Variants in PIK3C2G observed in about 807,000 individuals in gnomAD.
The protein encoded by PIK3C2G is phosphatidylinositol 3-kinase C2 domain-containing subunit gamma.
In PIK3C2G, 168 loss-of-function variants were observed where a neutral mutation model predicts 181.1. The ratio of observed to expected loss-of-function variants is 0.93; its 90% CI spans 0.82 to 1.05. PIK3C2G has a LOEUF of 1.05. Ranked by LOEUF, PIK3C2G falls within the 50% of genes least tolerant of loss-of-function variation. PIK3C2G has a pLI of 0.00. For synonymous variants in PIK3C2G, 573 were observed against 592.2 expected (o/e 0.97, Z 0.47); for missense variants, 1,869 against 1,732.8 (o/e 1.08, Z -1.40).
At chr12:18,698,324 T>C in the PIK3C2G span, among the ~76,000 whole-genome samples, 1 of 152,024 alleles carries the variant, frequency 6.6e-6, no homozygotes, top group African/African-American at 2.4e-5. Flanking sequence ...TCCATTCTAC[T>C]CTATACTACT....
At chr12:18,287,787 C>A (rs1565557527) in intron 3 of PIK3C2G, among the ~76,000 whole-genome samples, 3 of 151,842 alleles carry the variant, frequency 2.0e-5, no homozygotes, top group Non-Finnish European at 4.4e-5. Flanking sequence ...CTGCTTGAAC[C>A]CGGGATGCAG....
intron 5 of PIK3C2G, among the ~76,000 whole-genome samples, chr12:18,305,160 A>C (rs1950366517): frequency 6.6e-6 from 1 of 152,260 alleles, no homozygotes; most frequent in South Asian, 2.1e-4. Flanking sequence ...CACCATACAA[A>C]CCTGCATTTG....
At chr12:18,372,110 A>G (rs1050009463) in intron 13 of PIK3C2G, among the ~76,000 whole-genome samples, 1 of 152,134 alleles carries the variant, frequency 6.6e-6, no homozygotes, top group Non-Finnish European at 1.5e-5. Context: ...TCCCAGACCT[A>G]ATCAATATAA....
intron 10 of PIK3C2G, among the ~76,000 whole-genome samples, chr12:18,344,309 A>C (rs950569818): frequency 2.6e-5 from 4 of 151,904 alleles, no homozygotes; most frequent in Non-Finnish European, 5.9e-5. Flanking sequence ...TATCCTCTCA[A>C]CTCTAATTCC....
At chr12:18,274,747 T>C (rs1470118271) in intron 1 of PIK3C2G, among the ~76,000 whole-genome samples, 1 of 152,098 alleles carries the variant, frequency 6.6e-6, no homozygotes, top group African/African-American at 2.4e-5. Context: ...GGCACATGTA[T>C]CCATATGTAA....
At chr12:18,619,387 G>C (rs192572273) in intron 31 of PIK3C2G, among the ~76,000 whole-genome samples, 41 of 152,148 alleles carry the variant, frequency 2.7e-4, no homozygotes, top group Non-Finnish European at 5.3e-4. Flanking sequence ...GCCCCAAGCA[G>C]ACAAACTCTA....
At chr12:18,390,246 C>T (rs544363434) in intron 14 of PIK3C2G, among the ~76,000 whole-genome samples, 94 of 152,172 alleles carry the variant, frequency 6.2e-4, no homozygotes, top group African/African-American at 2.1e-3. Flanking sequence ...CAAACTGAAA[C>T]TCACACCATC....
At chr12:18,433,386 G>A (rs1296594484) in intron 18 of PIK3C2G, among the ~76,000 whole-genome samples, 5 of 152,018 alleles carry the variant, frequency 3.3e-5, no homozygotes, top group Non-Finnish European at 5.9e-5. Context: ...GGTGGCAGGT[G>A]CCTGTAATCC....
intron 18 of PIK3C2G, among the ~76,000 whole-genome samples, chr12:18,433,526 G>A (rs542989822): frequency 9.2e-5 from 14 of 151,890 alleles, no homozygotes; most frequent in Admixed American, 6.6e-4. Flanking sequence ...ACTCCATCTC[G>A]AAAAAAATAA....
At chr12:18,477,726 A>G (rs747187473) in intron 18 of PIK3C2G, among the ~76,000 whole-genome samples, 31 of 152,192 alleles carry the variant, frequency 2.0e-4, no homozygotes, top group Non-Finnish European at 4.4e-4. Flanking sequence ...AGAACCTTTA[A>G]TACCTTTACA....
At chr12:18,378,208 G>T (rs1942586669) in intron 13 of PIK3C2G, among the ~76,000 whole-genome samples, 1 of 152,170 alleles carries the variant, frequency 6.6e-6, no homozygotes, top group African/African-American at 2.4e-5. Context: ...CTGGAGTAAA[G>T]CATAGCCAAG....
chr12:18,256,054 A>G (rs531142150), intron 1 of PIK3C2G, among the ~76,000 whole-genome samples: 1 of 152,330 alleles, frequency 6.6e-6, no homozygotes, highest in East Asian at 1.9e-4. Context: ...TAAGTATTCA[A>G]TAAATGAATT....
chr12:18,421,091 G>T, intron 17 of PIK3C2G, 57 bp downstream of exon 17: 1 of 947,904 alleles, frequency 1.1e-6, no homozygotes, highest in Non-Finnish European at 1.7e-6. Context: ...ATCTCTAAAA[G>T]GTTCCTAATG....
At chr12:18,702,396 T>C in the PIK3C2G span, among the ~76,000 whole-genome samples, 1 of 152,196 alleles carries the variant, frequency 6.6e-6, no homozygotes, top group South Asian at 2.1e-4. Flanking sequence ...TTCTTTCACT[T>C]GGTTATTCCT....
At chr12:18,251,268 T>C (rs2136952152) in intron 1 of PIK3C2G, among the ~76,000 whole-genome samples, 1 of 152,134 alleles carries the variant, frequency 6.6e-6, no homozygotes, top group Non-Finnish European at 1.5e-5. Context: ...AAATGAAAAC[T>C]GTTATATTTA....
At chr12:18,363,857 T>A (rs961661416) in intron 12 of PIK3C2G, among the ~76,000 whole-genome samples, 2 of 152,196 alleles carry the variant, frequency 1.3e-5, no homozygotes, top group Non-Finnish European at 2.9e-5. Flanking sequence ...GCATACCTCA[T>A]GGCCCCTCCC....
At chr12:18,659,210 T>TTAAC in the PIK3C2G span, among the ~76,000 whole-genome samples, 17 of 152,276 alleles carry the variant, frequency 1.1e-4, no homozygotes, top group African/African-American at 3.8e-4. Context: ...CTAGCCAACT[T>TTAAC]TAGGCACTAA....
chr12:18,383,868 A>C (rs1565660422), intron 14 of PIK3C2G, among the ~76,000 whole-genome samples: 1 of 151,868 alleles, frequency 6.6e-6, no homozygotes, highest in Non-Finnish European at 1.5e-5. Flanking sequence ...TAATGGAATA[A>C]ACATAGCTCA....
intron 8 of PIK3C2G, among the ~76,000 whole-genome samples, chr12:18,327,914 G>A (rs1363047122): frequency 6.6e-6 from 1 of 151,940 alleles, no homozygotes; most frequent in Non-Finnish European, 1.5e-5. Context: ...ACACAATGGT[G>A]TCTATACAGA....
Sources: gnomAD v4.1 joint callset for allele counts (sites outside exome capture counted in the v4.1 genomes callset) on GRCh38, gnomAD v4.1.1 for gene constraint, MANE v1.5 for transcripts, NCBI Gene and HGNC (gene_info 2026-07-23, HGNC 2026-07-21) for gene names.